The following PDE4B variants were observed in gnomAD, a reference collection of about 807,000 sequenced individuals.
PDE4B encodes the protein phosphodiesterase 4B.
PDE4B carries 20 observed loss-of-function variants against 82.2 expected under a neutral mutation model. The observed-to-expected ratio is 0.24, with a 90% CI of 0.17 to 0.35. The LOEUF is 0.35. Ranked by LOEUF, PDE4B falls within the 10% of genes least tolerant of loss-of-function variation. The pLI is 1.00. For missense variants in PDE4B, 655 were observed against 907.2 expected, an observed-to-expected ratio of 0.72 and a Z score of 3.57; for synonymous variants, 320 against 318.9, an observed-to-expected ratio of 1.00 and a Z score of -0.04.
At chr1:66,114,874 G>T (rs1318074183) in intron 3 of PDE4B, among the ~76,000 whole-genome samples, 1 of 152,050 alleles carries the variant, frequency 6.6e-6, no homozygotes, top group Non-Finnish European at 1.5e-5. Context: ...GACCTCAAGT[G>T]ATCCACCTGC....
chr1:66,136,413 C>T (rs1414681788), intron 3 of PDE4B, among the ~76,000 whole-genome samples: 4 of 151,990 alleles, frequency 2.6e-5, no homozygotes, highest in Non-Finnish European at 5.9e-5. Context: ...TAAGAATGCT[C>T]ACAAAGGGGC....
intron 1 of PDE4B, among the ~76,000 whole-genome samples, chr1:65,855,999 T>A (rs1003461176): frequency 2.6e-5 from 4 of 152,162 alleles, no homozygotes; most frequent in Non-Finnish European, 5.9e-5. Context: ...AGACTACATG[T>A]GGGCTCATTG....
At chr1:65,951,484 C>G (rs956118644) in intron 3 of PDE4B, among the ~76,000 whole-genome samples, 10 of 152,002 alleles carry the variant, frequency 6.6e-5, no homozygotes, top group Admixed American at 2.6e-4. Context: ...AAAGTGTCAC[C>G]TCTCGTCAGG....
chr1:66,247,703 T>G, intron 4 of PDE4B, 49 bp downstream of exon 4: 824 of 1,307,220 alleles, frequency 6.3e-4, no homozygotes, highest in Non-Finnish European at 7.8e-4. Context: ...ACCTCATCTC[T>G]ACCCAGGTCA....
At chr1:65,844,756 A>T (rs1557775462) in intron 1 of PDE4B, among the ~76,000 whole-genome samples, 1 of 152,138 alleles carries the variant, frequency 6.6e-6, no homozygotes. Context: ...AGTGGGGAGG[A>T]TATACTAGGC....
chr1:66,226,620 G>C (rs1033575561), intron 3 of PDE4B, among the ~76,000 whole-genome samples: 1 of 152,188 alleles, frequency 6.6e-6, no homozygotes, highest in Non-Finnish European at 1.5e-5. Flanking sequence ...AGTTTGGTTT[G>C]TTGCAAGAAA....
chr1:66,043,222 C>A (rs1250937057), intron 3 of PDE4B, among the ~76,000 whole-genome samples: 2 of 151,710 alleles, frequency 1.3e-5, no homozygotes, highest in Non-Finnish European at 3.0e-5. Flanking sequence ...TTACAGAATA[C>A]CTCTTTGAAT....
At chr1:66,250,402 A>G (rs533720554) in intron 4 of PDE4B, among the ~76,000 whole-genome samples, 34 of 152,360 alleles carry the variant, frequency 2.2e-4, no homozygotes, top group Middle Eastern at 3.4e-3. Flanking sequence ...TAATAAAGGA[A>G]ACACTAGCTT....
intron 7 of PDE4B, among the ~76,000 whole-genome samples, chr1:66,279,520 G>A (rs1397122791): frequency 6.6e-6 from 1 of 152,106 alleles, no homozygotes; most frequent in South Asian, 2.1e-4. Context: ...AGCTGCTCAG[G>A]AGGCTGAGGC....
intron 3 of PDE4B, among the ~76,000 whole-genome samples, chr1:66,158,781 C>A (rs1646552165): frequency 6.6e-6 from 1 of 152,062 alleles, no homozygotes. Flanking sequence ...GAAATCCTGT[C>A]ATTTGTGGCA....
chr1:66,013,966 TA>T (rs1291501285), intron 3 of PDE4B, among the ~76,000 whole-genome samples: 5 of 152,154 alleles, frequency 3.3e-5, no homozygotes, highest in Non-Finnish European at 5.9e-5. Flanking sequence ...TATTTTCTGT[TA>T]TTTTTTTCTG....
chr1:66,220,931 T>C (rs1254914100), intron 3 of PDE4B, among the ~76,000 whole-genome samples: 1 of 152,186 alleles, frequency 6.6e-6, no homozygotes, highest in African/African-American at 2.4e-5. Flanking sequence ...GACATATTAT[T>C]TTTACTGCTA....
chr1:66,052,305 A>G (rs1266748610), intron 3 of PDE4B, among the ~76,000 whole-genome samples: 1 of 152,212 alleles, frequency 6.6e-6, no homozygotes, highest in Non-Finnish European at 1.5e-5. Flanking sequence ...AAAAATTCAC[A>G]AAGAAAGCTA....
At chr1:65,921,062 G>A (rs889054613) in intron 3 of PDE4B, among the ~76,000 whole-genome samples, 3 of 137,182 alleles carry the variant, frequency 2.2e-5, no homozygotes, top group Admixed American at 8.0e-5. Context: ...TCCGCCTCCC[G>A]GGTTCACGCC....
intron 3 of PDE4B, among the ~76,000 whole-genome samples, chr1:65,935,869 G>A (rs1421029851): frequency 3.3e-5 from 5 of 151,840 alleles, no homozygotes; most frequent in African/African-American, 4.8e-5. Context: ...CCTGGGAGGC[G>A]GAGGTTGCGG....
At chr1:66,296,360 A>G (rs1047583729) in intron 7 of PDE4B, among the ~76,000 whole-genome samples, 11 of 152,178 alleles carry the variant, frequency 7.2e-5, no homozygotes. Context: ...TACGATAAAC[A>G]AGAAAGCATA....
chr1:66,008,861 C>T (rs1652305363), intron 3 of PDE4B, among the ~76,000 whole-genome samples: 1 of 152,112 alleles, frequency 6.6e-6, no homozygotes, highest in East Asian at 1.9e-4. Context: ...TCATGTTCCT[C>T]AAGTCTAAAT....
At chr1:65,813,893 C>CAAAAAAAAAAAAAAAAAAAAAA (rs5774766) in intron 1 of PDE4B, among the ~76,000 whole-genome samples, 2 of 103,434 alleles carry the variant, frequency 1.9e-5, no homozygotes, top group African/African-American at 3.6e-5. Flanking sequence ...GGCACTGCGG[C>CAAAAAAAAAAAAAAAAAAAAAA]AAAAAAAAAA....
intron 3 of PDE4B, among the ~76,000 whole-genome samples, chr1:66,087,026 C>G (rs6694912): frequency 6.6e-6 from 1 of 151,842 alleles, no homozygotes; most frequent in Non-Finnish European, 1.5e-5. Context: ...TATGGAAGAA[C>G]AGAGTGCTTG....
Sources: allele counts gnomAD v4.1 joint callset (sites outside exome capture counted in the v4.1 genomes callset), GRCh38; gene constraint gnomAD v4.1.1; transcripts MANE v1.5; gene names NCBI Gene and HGNC (gene_info 2026-07-23, HGNC 2026-07-21).